Variants in FARS2 observed in about 807,000 individuals in gnomAD.
FARS2 encodes the protein phenylalanine--tRNA ligase, mitochondrial.
A neutral mutation model predicts 46.4 loss-of-function variants in FARS2; 40 were observed. The ratio of observed to expected loss-of-function variants is 0.86; its 90% CI spans 0.67 to 1.12. FARS2 has a LOEUF of 1.12. Ranked by LOEUF, FARS2 falls within the 50% of genes most tolerant of loss-of-function variation. The pLI, the probability that FARS2 is intolerant of heterozygous loss-of-function variation, is 0.00. For missense variants in FARS2, 513 were observed against 567.9 expected, an observed-to-expected ratio of 0.90 and a Z score of 0.98; for synonymous variants, 234 against 214.9, an observed-to-expected ratio of 1.09 and a Z score of -0.78.
chr6:5,262,316 C>T (rs1765218998), intron 1 of FARS2, among the ~76,000 whole-genome samples: 1 of 152,016 alleles, frequency 6.6e-6, no homozygotes, highest in Admixed American at 6.6e-5. Flanking sequence ...CTCGCTCTGT[C>T]GCCCAGGCTG....
At chr6:5,456,730 C>CAAAAAAAAAAAAA (rs11393453) in intron 4 of FARS2, among the ~76,000 whole-genome samples, 2 of 69,874 alleles carry the variant, frequency 2.9e-5, no homozygotes, top group Admixed American at 1.9e-4. Flanking sequence ...GACTCCATCT[C>CAAAAAAAAAAAAA]AAAAAAAAAA....
intron 1 of FARS2, among the ~76,000 whole-genome samples, chr6:5,363,948 A>G (rs1311870442): frequency 1.3e-5 from 2 of 152,208 alleles, no homozygotes; most frequent in Non-Finnish European, 2.9e-5. Context: ...CCTCATTTCC[A>G]AACTATAATA....
At chr6:5,603,298 G>A (rs766712223) in intron 5 of FARS2, among the ~76,000 whole-genome samples, 7 of 152,160 alleles carry the variant, frequency 4.6e-5, no homozygotes, top group Non-Finnish European at 1.0e-4. Flanking sequence ...TTTTCGCCAC[G>A]TTGGCCAGGC....
At chr6:5,578,489 T>C (rs1773117183) in intron 5 of FARS2, among the ~76,000 whole-genome samples, 1 of 151,974 alleles carries the variant, frequency 6.6e-6, no homozygotes, top group Non-Finnish European at 1.5e-5. Context: ...TTTAACGTTA[T>C]TTTCAAATAA....
chr6:5,557,710 A>G (rs889721722), intron 5 of FARS2, among the ~76,000 whole-genome samples: 4 of 152,138 alleles, frequency 2.6e-5, no homozygotes, highest in Non-Finnish European at 4.4e-5. Context: ...TGCAGCCTAC[A>G]ATCTATCTTC....
At chr6:5,587,627 G>T (rs1773688967) in intron 5 of FARS2, among the ~76,000 whole-genome samples, 2 of 152,142 alleles carry the variant, frequency 1.3e-5, no homozygotes, top group Non-Finnish European at 2.9e-5. Flanking sequence ...CAGCCCATTA[G>T]TATTTTAAAG....
intron 1 of FARS2, among the ~76,000 whole-genome samples, chr6:5,335,980 G>A (rs72815641): frequency 0.031 from 4,775 of 152,194 alleles, 92 homozygotes; most frequent in Non-Finnish European, 0.047. Context: ...TTATTGTTAA[G>A]CCTGTGCTGA....
At chr6:5,485,674 T>A (rs2150351001) in intron 4 of FARS2, among the ~76,000 whole-genome samples, 1 of 152,344 alleles carries the variant, frequency 6.6e-6, no homozygotes, top group East Asian at 1.9e-4. Flanking sequence ...TTAACAAATG[T>A]AAAAAACATT....
intron 4 of FARS2, among the ~76,000 whole-genome samples, chr6:5,521,726 G>A (rs964105747): frequency 2.0e-5 from 3 of 150,898 alleles, no homozygotes; most frequent in Admixed American, 6.6e-5. Context: ...ATGGTGATAC[G>A]ACCTCCCTGG....
chr6:5,571,738 G>A (rs1309165825), intron 5 of FARS2, among the ~76,000 whole-genome samples: 3 of 152,126 alleles, frequency 2.0e-5, no homozygotes, highest in African/African-American at 4.8e-5. Flanking sequence ...GCCACACCTG[G>A]ATCCCTAGCC....
At chr6:5,552,803 A>G (rs764368420) in intron 5 of FARS2, among the ~76,000 whole-genome samples, 4 of 152,190 alleles carry the variant, frequency 2.6e-5, no homozygotes, top group Non-Finnish European at 5.9e-5. Flanking sequence ...TGCAAGTGAT[A>G]ACTTGTTCTG....
At chr6:5,278,530 GC>G (rs1561926904) in intron 1 of FARS2, among the ~76,000 whole-genome samples, 2 of 152,122 alleles carry the variant, frequency 1.3e-5, no homozygotes, top group Non-Finnish European at 2.9e-5. Flanking sequence ...TTTGAAAGAA[GC>G]CTTATTTTTA....
At chr6:5,480,147 G>A (rs1766368103) in intron 4 of FARS2, among the ~76,000 whole-genome samples, 1 of 152,230 alleles carries the variant, frequency 6.6e-6, no homozygotes, top group Admixed American at 6.5e-5. Context: ...TTGACGCAAG[G>A]CTGGGAGGAT....
At chr6:5,611,024 C>T (rs1024561011) in intron 5 of FARS2, among the ~76,000 whole-genome samples, 2 of 152,174 alleles carry the variant, frequency 1.3e-5, no homozygotes, top group African/African-American at 2.4e-5. Context: ...CTCTAGAATA[C>T]CTGCAATGTA....
At chr6:5,289,730 T>C (rs1483800379) in intron 1 of FARS2, among the ~76,000 whole-genome samples, 1 of 152,232 alleles carries the variant, frequency 6.6e-6, no homozygotes, top group Admixed American at 6.5e-5. Flanking sequence ...CTGTGACCAG[T>C]CTGATTTGTT....
rs558172602 is a variant in FARS2, at chr6:5,367,248, T to C, written c.-21-1302T>C. Among the ~76,000 whole-genome samples, 3 of 152,368 alleles carry C rather than the reference T, an allele frequency of 2.0e-5. No individual in the cohort carries two copies. The South Asian group carries it at 6.2e-4, about 32-fold the overall frequency. The stretch of plus-strand genomic sequence containing the variant: ...CTAATGCAGCTTCATATCATGAAGT[T>C]ACATATTTTCTTGGTATGATTGCAC... On this transcript the variant is annotated intron_variant, in intron 1 of 6. Coordinates refer to ENST00000274680, the MANE Select transcript of FARS2 (RefSeq NM_006567.5).
rs78695554 is a variant in FARS2 at position 5,275,477 on chromosome 6, A to G, written c.-22+13817A>G. Reference sequence around the variant, plus strand: ...GTTGAGTTCTCCCACCAGAATGTGAATTCTGTGAGGGCTGGGACCATGTCT... The same window carrying G: ...GTTGAGTTCTCCCACCAGAATGTGAGTTCTGTGAGGGCTGGGACCATGTCT... On this transcript the variant is annotated intron_variant, in intron 1 of 6. Coordinates refer to ENST00000274680, the MANE Select transcript of FARS2 (RefSeq NM_006567.5). 4.4e-3 allele frequency among the ~76,000 whole-genome samples: 676 copies of G among 152,278 alleles called. 3 individuals carry two copies. The highest frequency in any genetic ancestry group is 0.016 in the African/African-American group (648 of 41,556).
At chr6:5,718,536 G>T (rs1356669569) in intron 6 of FARS2, among the ~76,000 whole-genome samples, 4 of 152,186 alleles carry the variant, frequency 2.6e-5, no homozygotes, top group African/African-American at 9.7e-5. Flanking sequence ...GGGTGAAACA[G>T]GCTGTAACTT....
intron 2 of FARS2, among the ~76,000 whole-genome samples, chr6:5,378,258 A>AAACCACTGTCCTCAACCACTGTCCTC (rs920971434): frequency 5.3e-5 from 8 of 151,850 alleles, no homozygotes; most frequent in Admixed American, 3.3e-4. Flanking sequence ...CACTGTCCTC[A>AAACCACTGTCCTCAACCACTGTCCTC]AACCACTGTC....
Sources: allele counts gnomAD v4.1 joint callset (sites outside exome capture counted in the v4.1 genomes callset), GRCh38; gene constraint gnomAD v4.1.1; transcripts MANE v1.5; gene names NCBI Gene and HGNC (gene_info 2026-07-23, HGNC 2026-07-21).